Variants in DLGAP1 observed in about 807,000 individuals in gnomAD.
The protein encoded by DLGAP1 is disks large-associated protein 1.
Under a neutral mutation model 90.8 loss-of-function variants are expected in DLGAP1, and 11 were observed. The ratio of observed to expected loss-of-function variants is 0.12; its 90% confidence interval spans 0.08 to 0.20. The LOEUF (loss-of-function observed/expected upper bound fraction) is 0.20. Ranked by LOEUF, DLGAP1 falls within the 10% of genes least tolerant of loss-of-function variation. DLGAP1 has a pLI of 1.00. For missense variants in DLGAP1, 1,050 were observed against 1,333.8 expected (o/e 0.79, Z 3.31); for synonymous variants, 558 against 540.7 (o/e 1.03, Z -0.44).
chr18:4,195,837 G>C (rs764266661), intron 1 of DLGAP1, among the ~76,000 whole-genome samples: 8 of 152,234 alleles, frequency 5.3e-5, no homozygotes, highest in Non-Finnish European at 8.8e-5. Flanking sequence ...ACAGGCATGA[G>C]CCATCGCGCC....
chr18:4,033,028 C>T (rs895265096), intron 2 of DLGAP1, among the ~76,000 whole-genome samples: 9 of 152,088 alleles, frequency 5.9e-5, no homozygotes, highest in Admixed American at 4.6e-4. Flanking sequence ...CTTATTCTTT[C>T]CAAGTGCAGC....
At chr18:4,310,632 G>C (rs1377844469) in intron 1 of DLGAP1, among the ~76,000 whole-genome samples, 1 of 152,136 alleles carries the variant, frequency 6.6e-6, no homozygotes, top group African/African-American at 2.4e-5. Context: ...CAGGCTGCGA[G>C]TTCTTTGGGA....
chr18:4,005,531 T>A (rs1414164106), intron 2 of DLGAP1, among the ~76,000 whole-genome samples: 2 of 152,252 alleles, frequency 1.3e-5, no homozygotes, highest in Non-Finnish European at 2.9e-5. Flanking sequence ...CAAGTATCTA[T>A]TCTGTTGGCA....
intron 4 of DLGAP1, chr18:3,874,071 C>A: frequency 1.3e-6 from 2 of 1,539,256 alleles, no homozygotes; most frequent in Non-Finnish European, 1.8e-6. Context: ...AATACTACCC[C>A]TTCCTTTCCC....
chr18:4,353,214 T>G (rs994352871), intron 1 of DLGAP1, among the ~76,000 whole-genome samples: 1 of 152,200 alleles, frequency 6.6e-6, no homozygotes, highest in Non-Finnish European at 1.5e-5. Flanking sequence ...CTCCTTTGTT[T>G]TGCTTTGTTT....
intron 2 of DLGAP1, among the ~76,000 whole-genome samples, chr18:4,099,381 T>C (rs765715938): frequency 1.3e-4 from 19 of 151,952 alleles, no homozygotes; most frequent in Non-Finnish European, 2.4e-4. Context: ...AGGCATACCT[T>C]GGAGATAGTG....
chr18:3,747,457 T>C (rs2063318775), intron 5 of DLGAP1, among the ~76,000 whole-genome samples: 1 of 152,256 alleles, frequency 6.6e-6, no homozygotes, highest in Non-Finnish European at 1.5e-5. Flanking sequence ...TAAAGTTCAC[T>C]TCTCTTTAGA....
chr18:4,390,401 G>A (rs11877727), intron 1 of DLGAP1, among the ~76,000 whole-genome samples: 36,781 of 151,464 alleles, frequency 0.24, 4,774 homozygotes, highest in South Asian at 0.35. Flanking sequence ...TCTACATCAG[G>A]GCTCATTCTC....
At chr18:4,269,530 A>AT (rs1364743764) in intron 1 of DLGAP1, among the ~76,000 whole-genome samples, 1 of 151,468 alleles carries the variant, frequency 6.6e-6, no homozygotes, top group Non-Finnish European at 1.5e-5. Flanking sequence ...ATTTTTGTGT[A>AT]TTTTTAGTAG....
chr18:3,714,430 CA>C (rs1203452036), intron 7 of DLGAP1, among the ~76,000 whole-genome samples: 2 of 152,170 alleles, frequency 1.3e-5, no homozygotes, highest in Non-Finnish European at 2.9e-5. Flanking sequence ...GATGACGGTA[CA>C]ACCCCACAAG....
At chr18:3,991,332 A>G (rs978435889) in intron 3 of DLGAP1, among the ~76,000 whole-genome samples, 16 of 152,294 alleles carry the variant, frequency 1.1e-4, no homozygotes, top group Admixed American at 1.0e-3. Context: ...GTATTTACTC[A>G]TCTCTCTGTA....
intron 9 of DLGAP1, among the ~76,000 whole-genome samples, chr18:3,542,985 A>G (rs2052777559): frequency 6.6e-6 from 1 of 152,198 alleles, no homozygotes; most frequent in Non-Finnish European, 1.5e-5. Context: ...AGGAGTCTCT[A>G]TCTATATGTA....
intron 2 of DLGAP1, among the ~76,000 whole-genome samples, chr18:4,024,980 G>A (rs982446419): frequency 3.3e-5 from 5 of 152,146 alleles, no homozygotes; most frequent in East Asian, 1.9e-4. Context: ...CAGGAGACTC[G>A]GACACTGGGG....
At chr18:3,664,404 T>C (rs182713734) in intron 7 of DLGAP1, among the ~76,000 whole-genome samples, 38 of 152,304 alleles carry the variant, frequency 2.5e-4, no homozygotes, top group Admixed American at 1.2e-3. Context: ...ATAAGGTATG[T>C]AGCAACAGAT....
rs2049758957 is a variant in DLGAP1 at position 3,498,257 on chromosome 18, C to G, written c.*928G>C. 1 of 152,122 alleles carries G rather than the reference C, an allele frequency of 6.6e-6. No individual in the cohort carries two copies. Among genetic ancestry groups the G allele is most frequent in the South Asian group, 2.1e-4 (1 of 4,820 alleles). 9.4% of individuals were successfully genotyped at this position (152,122 alleles called of 1,614,324 possible). A position where few individuals can be genotyped will look rare whatever the true frequency, so the allele number is the denominator to read the frequency against. ...CAAATTAATAGAACCAACACTTTCC[C>G]TTTAAAAACAGCCGCCACGACAACA... On this transcript the variant is annotated 3_prime_UTR_variant, in exon 13 of 13. Coordinates refer to ENST00000315677, the MANE Select transcript of DLGAP1 (RefSeq NM_004746.4).
intron 5 of DLGAP1, among the ~76,000 whole-genome samples, chr18:3,763,701 T>C (rs1004147028): frequency 1.2e-4 from 18 of 151,950 alleles, no homozygotes; most frequent in African/African-American, 3.6e-4. Flanking sequence ...TTCACTCTTG[T>C]TGCCCAGGCT....
chr18:3,893,931 A>G (rs1020682648), intron 3 of DLGAP1, among the ~76,000 whole-genome samples: 2 of 150,592 alleles, frequency 1.3e-5, no homozygotes, highest in East Asian at 1.9e-4. Flanking sequence ...GTAAGATGGT[A>G]TCTCCTTGTG....
At chr18:4,060,075 G>A (rs1246075903) in intron 2 of DLGAP1, among the ~76,000 whole-genome samples, 1 of 152,202 alleles carries the variant, frequency 6.6e-6, no homozygotes, top group African/African-American at 2.4e-5. Context: ...ACTGGAAACA[G>A]TACTTCCCTT....
At chr18:4,065,580 A>G (rs1242978834) in intron 2 of DLGAP1, among the ~76,000 whole-genome samples, 1 of 152,108 alleles carries the variant, frequency 6.6e-6, no homozygotes, top group African/African-American at 2.4e-5. Context: ...CAGTAGCCAC[A>G]AAAAAATAAA....
Sources: gnomAD v4.1 joint callset for allele counts (sites outside exome capture counted in the v4.1 genomes callset) on GRCh38, gnomAD v4.1.1 for gene constraint, MANE v1.5 for transcripts, NCBI Gene and HGNC (gene_info 2026-07-23, HGNC 2026-07-21) for gene names.